Variants in PHACTR3 observed in about 807,000 individuals in gnomAD.
The protein encoded by PHACTR3 is phosphatase and actin regulator 3, also known as protein phosphatase 1, regulatory subunit 123.
A neutral mutation model predicts 66.8 loss-of-function variants in PHACTR3; 16 were observed. That is an observed-to-expected ratio of 0.24 (90% CI 0.16 to 0.36). The LOEUF is 0.36. PHACTR3 is among the 10% of genes least tolerant of loss of function. PHACTR3 has a pLI of 1.00. For missense variants in PHACTR3, 647 were observed against 719.9 expected (o/e 0.90, Z 1.16); for synonymous variants, 323 against 292.1 (o/e 1.11, Z -1.08).
rs1340463883 is a variant in PHACTR3 at position 59,614,761 on chromosome 20, A to C, written c.118+9629A>C. Among the ~76,000 whole-genome samples, 4 of 152,194 alleles carry C rather than the reference A, an allele frequency of 2.6e-5. No homozygotes were observed. In the East Asian group the frequency reaches 7.7e-4, roughly 29 times the overall value. On this transcript the variant is annotated intron_variant, in intron 1 of 12. Transcript: ENST00000371015. ...GAAAGTTTGTATCCATATATAGAAA[A>C]AATTGTTGCCTTATTGTAATCACTA...
At chr20:59,660,450 C>T (rs542567850) in intron 1 of PHACTR3, among the ~76,000 whole-genome samples, 37 of 152,318 alleles carry the variant, frequency 2.4e-4, no homozygotes, top group South Asian at 6.2e-4. Context: ...GCCGAGATTG[C>T]GCCACTGCAC....
At chr20:59,808,996 C>T (rs2041654973) in intron 8 of PHACTR3, among the ~76,000 whole-genome samples, 1 of 152,230 alleles carries the variant, frequency 6.6e-6, no homozygotes, top group Non-Finnish European at 1.5e-5. Context: ...CCCCTGAGGT[C>T]AGAGACAACA....
At chr20:59,648,342 G>A (rs2146443445) in intron 1 of PHACTR3, among the ~76,000 whole-genome samples, 1 of 152,326 alleles carries the variant, frequency 6.6e-6, no homozygotes, top group Non-Finnish European at 1.5e-5. Flanking sequence ...CAAAGCTGTA[G>A]GAATCATATC....
chr20:59,807,842 T>A (rs551147133), intron 8 of PHACTR3, among the ~76,000 whole-genome samples: 1 of 152,348 alleles, frequency 6.6e-6, no homozygotes, highest in Admixed American at 6.5e-5. Context: ...TGTGCATATA[T>A]ACACATACAG....
At chr20:59,739,660 G>C (rs555443569) in intron 1 of PHACTR3, among the ~76,000 whole-genome samples, 2 of 152,096 alleles carry the variant, frequency 1.3e-5, no homozygotes, top group African/African-American at 4.8e-5. Context: ...CCTCCACCTG[G>C]TCTTTCTCTT....
chr20:59,799,585 A>G (rs2146977944), intron 7 of PHACTR3, among the ~76,000 whole-genome samples: 1 of 152,276 alleles, frequency 6.6e-6, no homozygotes, highest in Middle Eastern at 3.4e-3. Context: ...CTTGACATTA[A>G]TGTGCCCATT....
chr20:59,671,183 G>A (rs184754823), intron 1 of PHACTR3, among the ~76,000 whole-genome samples: 1 of 152,304 alleles, frequency 6.6e-6, no homozygotes, highest in Non-Finnish European at 1.5e-5. Flanking sequence ...GGGATTTCCA[G>A]AATATTTGGC....
intron 1 of PHACTR3, among the ~76,000 whole-genome samples, chr20:59,686,758 GTGATGATGA>G (rs1486785816): frequency 1.1e-4 from 11 of 98,224 alleles, no homozygotes; most frequent in East Asian, 1.0e-3. Flanking sequence ...GATGATGATG[GTGATGATGA>G]TGGTGATGAT....
chr20:59,724,928 C>A (rs946358), intron 1 of PHACTR3, among the ~76,000 whole-genome samples: 10,703 of 151,044 alleles, frequency 0.071, 526 homozygotes, highest in South Asian at 0.12. Context: ...CCCAGGTAAG[C>A]TGTGTGCTCA....
At chr20:59,585,892 G>A (rs1030487926) in intron 1 of PHACTR3, among the ~76,000 whole-genome samples, 25 of 152,348 alleles carry the variant, frequency 1.6e-4, no homozygotes, top group African/African-American at 5.8e-4. Context: ...CAAGTTACAG[G>A]AAGTGGGCAT....
intron 1 of PHACTR3, among the ~76,000 whole-genome samples, chr20:59,596,459 G>A (rs1157756246): frequency 2.0e-5 from 3 of 152,162 alleles, no homozygotes; most frequent in Non-Finnish European, 4.4e-5. Flanking sequence ...TGAACCTTCT[G>A]TAAATGGAAT....
rs574220686 is a variant in PHACTR3, at chr20:59,605,489, C to T, written c.118+357C>T. Among the ~76,000 whole-genome samples, 355 of 152,352 alleles carry T rather than the reference C, an allele frequency of 2.3e-3. 1 individual carries two copies. Among genetic ancestry groups the T allele is most frequent in the Admixed American group, 4.8e-3 (74 of 15,312 alleles). ...GCCCAGCGCCGGTTCTGGGCCATTC[C>T]CTCCCTCCCCACTGCCGGGCCCCAG... On this transcript the variant is annotated intron_variant, in intron 1 of 12. Coordinates refer to ENST00000371015, the MANE Select transcript of PHACTR3 (RefSeq NM_080672.5).
At position 59,723,017 on chromosome 20, in the gene PHACTR3, CT is replaced by C. The variant is rs897769755; in HGVS notation, c.119-20083del. Among the ~76,000 whole-genome samples the C allele has an allele frequency of 4.2e-3, 644 of 151,908 alleles. 5 individuals are homozygous for C. The highest frequency in any genetic ancestry group is 0.015 in the African/African-American group (601 of 41,430). The stretch of plus-strand genomic sequence containing the variant: ...GCCCTGACCATCTTGGTTTTCTTCC[CT>C]TTTTTTCTTTTTTATTTATTTCTCT... On this transcript the variant is annotated intron_variant, in intron 1 of 12. Coordinates refer to ENST00000371015, the MANE Select transcript of PHACTR3 (RefSeq NM_080672.5).
At chr20:59,627,389 G>A (rs532865988) in intron 1 of PHACTR3, among the ~76,000 whole-genome samples, 1 of 152,334 alleles carries the variant, frequency 6.6e-6, no homozygotes, top group South Asian at 2.1e-4. Context: ...AGCTAGATGT[G>A]GTGTGAGAGG....
chr20:59,707,407 A>C (rs1183912615), intron 1 of PHACTR3, among the ~76,000 whole-genome samples: 1 of 150,132 alleles, frequency 6.7e-6, no homozygotes, highest in Non-Finnish European at 1.5e-5. Flanking sequence ...GACAGCTGGT[A>C]GCTAAAGAGT....
intron 8 of PHACTR3, among the ~76,000 whole-genome samples, chr20:59,825,661 AGTC>A (rs746461083): frequency 2.1e-4 from 32 of 152,154 alleles, no homozygotes; most frequent in Non-Finnish European, 2.1e-4. Flanking sequence ...CAGCTGGAGG[AGTC>A]GGGGTGGGCT....
intron 7 of PHACTR3, among the ~76,000 whole-genome samples, chr20:59,785,950 T>A (rs2040900279): frequency 6.6e-6 from 1 of 152,192 alleles, no homozygotes; most frequent in South Asian, 2.1e-4. Flanking sequence ...CTCCCCTGCA[T>A]CCCCAGGTAG....
chr20:59,845,033 G>T, intron 11 of PHACTR3, 156 bp from the exon 12 acceptor site: 1 of 543,930 alleles, frequency 1.8e-6, no homozygotes, highest in Non-Finnish European at 3.4e-6. Flanking sequence ...TAATGAGTAT[G>T]GCAGTTTTAA....
At chr20:59,723,261 A>AC (rs1460214069) in intron 1 of PHACTR3, among the ~76,000 whole-genome samples, 1 of 151,582 alleles carries the variant, frequency 6.6e-6, no homozygotes, top group East Asian at 1.9e-4. Flanking sequence ...CCAAGAGGAA[A>AC]CCCCATGTCC....
Sources: allele counts gnomAD v4.1 joint callset (sites outside exome capture counted in the v4.1 genomes callset), GRCh38; gene constraint gnomAD v4.1.1; transcripts MANE v1.5; gene names NCBI Gene and HGNC (gene_info 2026-07-23, HGNC 2026-07-21).